Variants in ABLIM3 observed in about 807,000 individuals in gnomAD.
ABLIM3 encodes the protein actin binding LIM protein family member 3, also known as actin-binding LIM protein 3.
In ABLIM3, 61 loss-of-function variants were observed where a neutral mutation model predicts 109.5. The ratio of observed to expected loss-of-function variants is 0.56; its 90% CI spans 0.45 to 0.69. The LOEUF is 0.69. Among genes scored for constraint, ABLIM3 ranks in the 30% least tolerant of loss-of-function variants. The pLI is 0.00. For synonymous variants in ABLIM3, 300 were observed against 324.8 expected (o/e 0.92, Z 0.82); for missense variants, 796 against 889.5 (o/e 0.89, Z 1.34).
At chr5:149,224,250 T>G (rs962604199) in intron 8 of ABLIM3, among the ~76,000 whole-genome samples, 2 of 152,164 alleles carry the variant, frequency 1.3e-5, no homozygotes, top group African/African-American at 4.8e-5. Flanking sequence ...ATACTTTAAT[T>G]ACTGTCCCAA....
intron 2 of ABLIM3, among the ~76,000 whole-genome samples, chr5:149,166,955 C>A (rs1256960096): frequency 6.6e-6 from 1 of 152,198 alleles, no homozygotes; most frequent in Non-Finnish European, 1.5e-5. Context: ...TGCTGTGGAG[C>A]CATTCAGTGG....
intron 3 of ABLIM3, among the ~76,000 whole-genome samples, chr5:149,189,718 A>G (rs1452207250): frequency 6.6e-6 from 1 of 152,244 alleles, no homozygotes; most frequent in Non-Finnish European, 1.5e-5. Context: ...GTTGATGAGC[A>G]TGTGGAGACA....
intron 10 of ABLIM3, among the ~76,000 whole-genome samples, chr5:149,233,975 CA>C (rs1027271694): frequency 1.3e-5 from 2 of 152,200 alleles, no homozygotes; most frequent in African/African-American, 4.8e-5. Flanking sequence ...ATTCATTCAA[CA>C]AACATGTGCC....
chr5:149,208,387 AATTTCTCTTTCTCTCTCTCTG>A (rs1561588403), intron 6 of ABLIM3, among the ~76,000 whole-genome samples: 19 of 47,322 alleles, frequency 4.0e-4, no homozygotes, highest in East Asian at 1.6e-3. Context: ...TCTCTCTCTC[AATTTCTCTTTCTCTCTCTCTG>A]TCTCTCTTTC....
rs114242159 is a variant in ABLIM3 at position 149,168,061 on chromosome 5, A to T, written c.14-15391A>T. Reference sequence around the variant, plus strand: ...CTAGATGCCTATAGCACACGCACACATACACACACACCATTTGTGACAACC... The same window carrying T: ...CTAGATGCCTATAGCACACGCACACTTACACACACACCATTTGTGACAACC... On this transcript the variant is annotated intron_variant, in intron 2 of 23. Coordinates refer to ENST00000309868, the MANE Select transcript of ABLIM3 (RefSeq NM_014945.5). Among the ~76,000 whole-genome samples, 936 of 152,306 alleles carry T rather than the reference A, an allele frequency of 6.1e-3. 6 individuals are homozygous for T. Among genetic ancestry groups the T allele is most frequent in the African/African-American group, 0.021 (889 of 41,564 alleles).
At chr5:149,227,177 G>A (rs934070698) in intron 8 of ABLIM3, among the ~76,000 whole-genome samples, 4 of 152,202 alleles carry the variant, frequency 2.6e-5, no homozygotes, top group East Asian at 1.9e-4. Context: ...TACAGGTGTG[G>A]AGTGTGCTAT....
chr5:149,222,477 TG>T (rs1394375231), intron 8 of ABLIM3, among the ~76,000 whole-genome samples: 1 of 152,118 alleles, frequency 6.6e-6, no homozygotes, highest in East Asian at 1.9e-4. Flanking sequence ...ATGCTAGGTG[TG>T]TTTCTTTAGG....
chr5:149,146,478 A>G (rs1435136253), intron 2 of ABLIM3, among the ~76,000 whole-genome samples: 1 of 152,086 alleles, frequency 6.6e-6, no homozygotes, highest in Non-Finnish European at 1.5e-5. Context: ...ATCCATCTTG[A>G]GTTAATTTTT....
rs1759468620 is a variant in ABLIM3 at position 149,210,812 on chromosome 5, T to G, written c.662T>G (p.Val221Gly). 1.9e-6 allele frequency: 3 copies of G among 1,613,800 alleles called. No homozygotes were observed. Among genetic ancestry groups the G allele is most frequent in the African/African-American group, 2.7e-5 (2 of 74,882 alleles). ...TGTGACCGATACATCAGTGGCAGAG[T>G]CTTGGAGGTGAGTGGGTATAAGTAA... ...ETCDRYISGRVLEAGGKHYHP... is the reference protein window; with the variant it reads ...ETCDRYISGRGLEAGGKHYHP... The change falls in exon 7 of 24, where the codon GTC (valine) becomes GGC (glycine). Residue 221 changes from valine to glycine, a missense_variant. Transcript: ENST00000309868.
In ABLIM3 at chr5:149,182,015, G is replaced by T. The variant is rs527808169; in HGVS notation, c.14-1437G>T. Among the ~76,000 whole-genome samples, 3 of 152,310 alleles carry T rather than the reference G, an allele frequency of 2.0e-5. No individual in the cohort carries two copies. The East Asian group carries it at 5.8e-4, about 29-fold the overall frequency. ...TGGCTCCTAAGGCTTCCAATTGGAA[G>T]GGACATGCACAATTTCAGTTCACAT... On this transcript the variant is annotated intron_variant, in intron 2 of 23. Coordinates refer to ENST00000309868, the MANE Select transcript of ABLIM3 (RefSeq NM_014945.5).
At chr5:149,252,168 A>T (rs1278262686) in intron 21 of ABLIM3, 33 bp from the exon 22 acceptor site, 1 of 1,613,386 alleles carries the variant, frequency 6.2e-7, no homozygotes, top group African/African-American at 1.3e-5. Flanking sequence ...GATGGGCTCC[A>T]TTCTGTGTGT....
At chr5:149,253,441 T>G (rs557799297) in intron 23 of ABLIM3, among the ~76,000 whole-genome samples, 1 of 152,292 alleles carries the variant, frequency 6.6e-6, no homozygotes, top group African/African-American at 2.4e-5. Flanking sequence ...GTGATTGGTG[T>G]GCTTCCCCCA....
Position 149,206,990 on chromosome 5 carries a change from T to C in ABLIM3, c.449-18T>C. On this transcript the variant is annotated intron_variant, in intron 5 of 23. Transcript: ENST00000309868. ...GGGCCCAGGGTGCTTTGCTCAGCAG[T>C]GTCCTCTTGTCTTGCAGACTGTGCC... The C allele has an allele frequency of 1.2e-6, 2 of 1,612,962 alleles. No individual in the cohort carries two copies. The highest frequency in any genetic ancestry group is 1.7e-6 in the Non-Finnish European group (2 of 1,179,330).
chr5:149,178,049 C>T (rs1028982233), intron 2 of ABLIM3, among the ~76,000 whole-genome samples: 1 of 152,084 alleles, frequency 6.6e-6, no homozygotes, highest in African/African-American at 2.4e-5. Context: ...CGTGTGCTTC[C>T]CACCCCTTTC....
intron 17 of ABLIM3, chr5:149,247,492 C>A: frequency 1.8e-6 from 1 of 557,598 alleles, no homozygotes; most frequent in Non-Finnish European, 3.3e-6. Context: ...TGGCTATCTG[C>A]CCATTGTTGA....
chr5:149,197,865 C>T (rs549458495), intron 3 of ABLIM3, among the ~76,000 whole-genome samples: 52 of 152,292 alleles, frequency 3.4e-4, no homozygotes, highest in African/African-American at 1.1e-3. Context: ...TCAGCCTATC[C>T]GGGTGAGGGA....
chr5:149,167,216 CT>C (rs1158017509), intron 2 of ABLIM3, among the ~76,000 whole-genome samples: 7 of 152,134 alleles, frequency 4.6e-5, no homozygotes, highest in African/African-American at 1.2e-4. Context: ...TTATTTGCCT[CT>C]GTCATTCTCA....
At chr5:149,221,719 A>T (rs1484022954) in intron 8 of ABLIM3, among the ~76,000 whole-genome samples, 1 of 152,190 alleles carries the variant, frequency 6.6e-6, no homozygotes, top group Non-Finnish European at 1.5e-5. Context: ...AATGGCCAAA[A>T]TGCTGCAGGT....
At chr5:149,232,349 G>A (rs763052293) in intron 9 of ABLIM3, among the ~76,000 whole-genome samples, 36 of 152,250 alleles carry the variant, frequency 2.4e-4, no homozygotes, top group Non-Finnish European at 4.6e-4. Flanking sequence ...TGAGAGAGTT[G>A]TTGAAAAGAA....
Sources: allele counts gnomAD v4.1 joint callset (sites outside exome capture counted in the v4.1 genomes callset), GRCh38; gene constraint gnomAD v4.1.1; transcripts MANE v1.5; gene names NCBI Gene and HGNC (gene_info 2026-07-23, HGNC 2026-07-21).